MACF1: variants seen among roughly 807,000 people sequenced by gnomAD.
MACF1 encodes the protein microtubule-actin cross-linking factor 1.
A neutral mutation model predicts 854.8 loss-of-function variants in MACF1; 193 were observed. The ratio of observed to expected loss-of-function variants is 0.23; its 90% confidence interval spans 0.20 to 0.25. The LOEUF is 0.25. Among genes scored for constraint, MACF1 ranks in the 10% least tolerant of loss-of-function variants. MACF1 has a pLI of 1.00. For synonymous variants in MACF1, 3,185 were observed against 3,226.7 expected (o/e 0.99, Z 0.44); for missense variants, 7,722 against 8,929.1 (o/e 0.86, Z 5.45).
At chr1:39,403,128 C>T (rs1308654806) in intron 58 of MACF1, among the ~76,000 whole-genome samples, 3 of 151,110 alleles carry the variant, frequency 2.0e-5, no homozygotes, top group African/African-American at 4.9e-5. Flanking sequence ...GATGGAGTCT[C>T]GCTCTGTCTC....
chr1:39,173,338 C>CAAA (rs10636583), intron 2 of MACF1, among the ~76,000 whole-genome samples: 73 of 100,994 alleles, frequency 7.2e-4, no homozygotes, highest in Non-Finnish European at 1.1e-3. Flanking sequence ...GACTCCATCT[C>CAAA]AAAAAAAAAA....
intron 99 of MACF1, among the ~76,000 whole-genome samples, chr1:39,483,132 C>T (rs1379101092): frequency 2.2e-5 from 3 of 138,026 alleles, no homozygotes; most frequent in African/African-American, 5.4e-5. Context: ...ATTTAAAATA[C>T]TCTTTTTCCT....
At position 39,322,618 on chromosome 1, in the gene MACF1, T is replaced by G; in HGVS notation, c.4040T>G (p.Leu1347Trp). The stretch of plus-strand genomic sequence containing the variant: ...TTCATCCTTTCCTAGGACTATGAAT[T>G]GCAACTGATGACATACAAGGCCTTT... ...QYSTIVKDYE[L>W]QLMTYKAFVE... The change falls in exon 32 of 101, where the codon TTG becomes TGG. Residue 1347 changes from leucine to tryptophan, a missense_variant. Around this residue, in one of 15 missense-constraint regions of MACF1, gnomAD observed 1,137 missense variants for 1,263.0 expected, o/e 0.90. Coordinates refer to ENST00000564288, the MANE Select transcript of MACF1 (RefSeq NM_001394062.1). The G allele has an allele frequency of 6.2e-7, 1 of 1,613,820 alleles. No individual in the cohort carries two copies. Among genetic ancestry groups the G allele is most frequent in the Non-Finnish European group, 8.5e-7 (1 of 1,179,718 alleles).
chr1:39,471,822 ATT>A (rs77628042), intron 97 of MACF1, among the ~76,000 whole-genome samples: 1 of 149,842 alleles, frequency 6.7e-6, no homozygotes, highest in Non-Finnish European at 1.5e-5. Flanking sequence ...AATAGAACTC[ATT>A]TTTTTTTTCA....
Position 39,474,195 on chromosome 1 carries a change from G to A in MACF1, c.21958+4580G>A, listed in dbSNP as rs529629329. Among the ~76,000 whole-genome samples the A allele has an allele frequency of 5.3e-5, 8 of 151,586 alleles. No individual in the cohort carries two copies. The East Asian group carries it at 9.7e-4, about 18-fold the overall frequency. On this transcript the variant is annotated intron_variant, in intron 97 of 100. Coordinates refer to ENST00000564288, the MANE Select transcript of MACF1 (RefSeq NM_001394062.1). ...TGAGGTCAGGAGTTCAAGACCAGCC[G>A]GGCCAATATGGTGAAACGCTGTTTC... is the stretch of plus-strand genomic sequence containing the variant.
At chr1:39,088,305 T>C (rs1005842072) in intron 2 of MACF1, among the ~76,000 whole-genome samples, 2 of 151,734 alleles carry the variant, frequency 1.3e-5, no homozygotes, top group African/African-American at 4.8e-5. Context: ...GTCAGGCTGG[T>C]CTTGAACTCC....
chr1:39,410,213 A>T, intron 58 of MACF1: 1 of 1,337,790 alleles, frequency 7.5e-7, no homozygotes, highest in Non-Finnish European at 1.0e-6. Context: ...ATTTGGGGGG[A>T]ACCTGTGAAA....
intron 2 of MACF1, among the ~76,000 whole-genome samples, chr1:39,197,625 G>A (rs544363852): frequency 2.0e-5 from 3 of 152,204 alleles, no homozygotes; most frequent in African/African-American, 4.8e-5. Flanking sequence ...GCTCATGCCT[G>A]TAATCCCAGC....
intron 58 of MACF1, among the ~76,000 whole-genome samples, chr1:39,403,106 G>T (rs1250232591): frequency 6.8e-6 from 1 of 146,664 alleles, no homozygotes; most frequent in Non-Finnish European, 1.5e-5. Flanking sequence ...GTTTTGTTTT[G>T]TTTTGTTTTG....
In MACF1 at chr1:39,272,050, CAGTCATACTACT is replaced by C. The variant is rs1296216644; in HGVS notation, c.529-10157_529-10146del. On this transcript the variant is annotated intron_variant, in intron 6 of 100. Coordinates refer to ENST00000564288, the MANE Select transcript of MACF1 (RefSeq NM_001394062.1). ...TCCTTCTACCTTTTCACTGCAGACA[CAGTCATACTACT>C]TATGTATAGCCAAGGCTGAAAAACT... Among the ~76,000 whole-genome samples, 6 of 152,332 alleles carry C rather than the reference CAGTCATACTACT, an allele frequency of 3.9e-5. No homozygotes were observed. The East Asian group carries it at 9.6e-4, about 24-fold the overall frequency.
chr1:39,441,952 G>A lies in MACF1; in HGVS notation c.18673G>A (p.Ala6225Thr), dbSNP rs1557656937. The change falls in exon 75 of 101, where the codon GCT becomes ACT. Residue 6225 changes from alanine to threonine, a missense_variant and splice_region_variant. By Grantham distance (58) the Ala-to-Thr change is moderately conservative. Transcript: ENST00000564288. ...ACTGTTTACTTGTCTTTTGTTCTAG[G>A]CTATGTTTGACTGGCTAGATAACAC... The part of the protein sequence containing the change: ...AAVQYQDTLQ[A>T]MFDWLDNTVI... 1.2e-6 allele frequency: 2 copies of A among 1,612,456 alleles called. No homozygotes were observed. Among genetic ancestry groups the A allele is most frequent in the South Asian group, 1.1e-5 (1 of 90,950 alleles).
At chr1:39,141,761 T>C (rs1449090837) in intron 2 of MACF1, among the ~76,000 whole-genome samples, 2 of 152,228 alleles carry the variant, frequency 1.3e-5, no homozygotes, top group Non-Finnish European at 2.9e-5. Flanking sequence ...TGGTTCTGAT[T>C]CTACCTTAGA....
chr1:39,231,123 G>C, intron 1 of MACF1, 59 bp from the exon 2 acceptor site: 2 of 1,285,584 alleles, frequency 1.6e-6, no homozygotes, highest in Non-Finnish European at 2.3e-6. Context: ...GGGCAGCAGC[G>C]TGGGAACCTG....
chr1:39,110,330 A>G (rs1197825517), intron 2 of MACF1, among the ~76,000 whole-genome samples: 3 of 143,776 alleles, frequency 2.1e-5, no homozygotes, highest in Non-Finnish European at 4.5e-5. Context: ...TTCACCTCTC[A>G]GGCTCAAGTG....
At chr1:39,440,934 C>T in intron 72 of MACF1, 69 bp from the exon 73 acceptor site, 2 of 1,570,346 alleles carry the variant, frequency 1.3e-6, no homozygotes, top group Non-Finnish European at 1.7e-6. Flanking sequence ...GTATAAATCA[C>T]ATTTGCAAAG....
chr1:39,391,511 T>A (rs1266264399), intron 58 of MACF1, among the ~76,000 whole-genome samples: 1 of 152,190 alleles, frequency 6.6e-6, no homozygotes, highest in Non-Finnish European at 1.5e-5. Flanking sequence ...CTGCTGTCAT[T>A]TGGTCTGTGT....
In MACF1 at chr1:39,422,412, A is replaced by G. The variant is rs745641135; in HGVS notation, c.15855A>G (p.Lys5285=). The G allele has an allele frequency of 1.2e-6, 2 of 1,614,162 alleles. No homozygotes were observed. The highest frequency in any genetic ancestry group is 1.7e-6 in the Non-Finnish European group (2 of 1,180,010). ...QKEQVDPLQM[K]LQQVNGLGQG... is the part of the protein sequence containing the mutation. Reference sequence around the variant, plus strand: ...AACAAGTGGATCCTCTTCAGATGAAATTGCAGCAGGTGAATGGACTTGGCC... The same window carrying G: ...AACAAGTGGATCCTCTTCAGATGAAGTTGCAGCAGGTGAATGGACTTGGCC... Residue 5285 remains lysine (K), a synonymous_variant, in exon 59 of 101, where the codon AAA becomes AAG. Coordinates refer to ENST00000564288, the MANE Select transcript of MACF1 (RefSeq NM_001394062.1).
chr1:39,244,366 C>T (rs1013685588), intron 2 of MACF1, among the ~76,000 whole-genome samples: 9 of 152,104 alleles, frequency 5.9e-5, no homozygotes, highest in African/African-American at 1.7e-4. Flanking sequence ...ACTGCAACTT[C>T]TGCCTCCGAG....
chr1:39,158,705 T>A (rs761643505), intron 2 of MACF1, among the ~76,000 whole-genome samples: 5 of 152,032 alleles, frequency 3.3e-5, no homozygotes, highest in Admixed American at 1.3e-4. Context: ...GCGGTTGTGG[T>A]CCCGTAGCTC....
Sources: allele counts gnomAD v4.1 joint callset (sites outside exome capture counted in the v4.1 genomes callset), GRCh38; gene constraint gnomAD v4.1.1; regional missense constraint gnomAD v4.1.1; transcripts MANE v1.5; gene names NCBI Gene and HGNC (gene_info 2026-07-23, HGNC 2026-07-21).